Variants in HMGXB4 observed in about 807,000 individuals in gnomAD.
The protein encoded by HMGXB4 is HMG domain-containing protein 4.
In HMGXB4, 27 loss-of-function variants were observed where a neutral mutation model predicts 63.9. The observed-to-expected ratio is 0.42, with a 90% CI of 0.31 to 0.58. The LOEUF (loss-of-function observed/expected upper bound fraction) is 0.58, where lower values mean the gene tolerates loss of function less well. HMGXB4 is among the 20% of genes least tolerant of loss of function. The pLI is 0.13. For synonymous variants in HMGXB4, 264 were observed against 265.3 expected (o/e 0.99, Z 0.05); for missense variants, 624 against 700.7 (o/e 0.89, Z 1.24).
chr22:35,265,057 C>T lies in HMGXB4; in HGVS notation c.669C>T (p.Ser223=). 6.2e-7 allele frequency: 1 copy of T among 1,613,898 alleles called. No homozygotes were observed. Among genetic ancestry groups the T allele is most frequent in the Middle Eastern group, 1.6e-4 (1 of 6,062 alleles). The change falls in exon 5 of 11, where the codon TCC becomes TCT. Residue 223 remains serine, a synonymous_variant. Coordinates refer to ENST00000216106, the MANE Select transcript of HMGXB4 (RefSeq NM_001003681.3). The part of the protein sequence containing the change: ...YPSQQATVKK[S]SKKSARDEQG... ...CCCAACAAGCGACTGTGAAAAAATCCTCAAAGAAATCAGCTCGGGATGAGC... is the reference window on the plus strand; with the variant it reads ...CCCAACAAGCGACTGTGAAAAAATCTTCAAAGAAATCAGCTCGGGATGAGC...
At chr22:35,267,146 G>GTATA (rs1923305211) in intron 5 of HMGXB4, among the ~76,000 whole-genome samples, 2 of 4,334 alleles carry the variant, frequency 4.6e-4, no homozygotes, top group African/African-American at 8.6e-4. Flanking sequence ...ATGTGTGTGT[G>GTATA]TATATATAAT....
chr22:35,292,162 T>C (rs1466546532), intron 9 of HMGXB4, among the ~76,000 whole-genome samples: 3 of 152,240 alleles, frequency 2.0e-5, no homozygotes, highest in African/African-American at 7.2e-5. Flanking sequence ...TAATTACTGA[T>C]ATTTTTTGAG....
At chr22:35,267,799 T>C (rs961380110) in intron 5 of HMGXB4, among the ~76,000 whole-genome samples, 1 of 152,240 alleles carries the variant, frequency 6.6e-6, no homozygotes, top group Non-Finnish European at 1.5e-5. Flanking sequence ...TATTTTCTTT[T>C]TGCTTTATCA....
chr22:35,254,583 C>T (rs1411512955), upstream of HMGXB4, among the ~76,000 whole-genome samples: 1 of 152,166 alleles, frequency 6.6e-6, no homozygotes, highest in Non-Finnish European at 1.5e-5. Context: ...TTATTTTCTC[C>T]ACCTCTGATT....
chr22:35,264,754 A>G lies in HMGXB4; in HGVS notation c.366A>G (p.Ala122=). The G allele has an allele frequency of 1.2e-6, 2 of 1,614,222 alleles. No homozygotes were observed. Among genetic ancestry groups the G allele is most frequent in the Non-Finnish European group, 1.7e-6 (2 of 1,180,022 alleles). The change falls in exon 5 of 11, where the codon GCA becomes GCG. Residue 122 remains alanine (A), a synonymous_variant. Coordinates refer to ENST00000216106, the MANE Select transcript of HMGXB4 (RefSeq NM_001003681.3). The part of the protein sequence containing the change: ...LLKAITSPLA[A]GSKPSKKTGE... Reference sequence around the variant, plus strand: ...AAGCTATCACTTCCCCACTGGCAGCAGGCTCCAAGCCCTCCAAAAAGACTG... The same window carrying G: ...AAGCTATCACTTCCCCACTGGCAGCGGGCTCCAAGCCCTCCAAAAAGACTG...
intron 5 of HMGXB4, among the ~76,000 whole-genome samples, chr22:35,275,993 A>C (rs1277086128): frequency 6.6e-6 from 1 of 152,212 alleles, no homozygotes; most frequent in African/African-American, 2.4e-5. Context: ...GAAAATTTAG[A>C]GTGGAATTAC....
At chr22:35,272,786 T>G (rs1807543) in intron 5 of HMGXB4, among the ~76,000 whole-genome samples, 76,899 of 151,918 alleles carry the variant, frequency 0.51, 22,593 homozygotes, top group Non-Finnish European at 0.65. Flanking sequence ...GTACAAAAAT[T>G]AGCCAGGCGT....
chr22:35,259,005 A>G lies in HMGXB4; in HGVS notation c.-69+1448A>G, dbSNP rs192432772. 5.3e-5 allele frequency among the ~76,000 whole-genome samples: 8 copies of G among 152,216 alleles called. No individual in the cohort carries two copies. In the South Asian group the frequency reaches 8.3e-4, roughly 16 times the overall value. On this transcript the variant is annotated intron_variant, in intron 1 of 10. Coordinates refer to ENST00000216106, the MANE Select transcript of HMGXB4 (RefSeq NM_001003681.3). ...AGTCTGAAACCTGTTTTTTAACTGT[A>G]ATTTGAAGTTTCAAAATGACAAAGT...
At chr22:35,293,499 T>C in intron 10 of HMGXB4, 108 bp from the exon 11 acceptor site, 1 of 771,540 alleles carries the variant, frequency 1.3e-6, no homozygotes, top group Non-Finnish European at 2.2e-6. Context: ...CTCACCTGTT[T>C]TTCTAACTCC....
chr22:35,281,693 G>A (rs1362834560), intron 5 of HMGXB4, among the ~76,000 whole-genome samples: 2 of 152,078 alleles, frequency 1.3e-5, no homozygotes, highest in African/African-American at 2.4e-5. Context: ...TGTACAGTTG[G>A]GAAAGATTTG....
At chr22:35,246,421 C>CCCA in the HMGXB4 span, among the ~76,000 whole-genome samples, 3 of 151,850 alleles carry the variant, frequency 2.0e-5, no homozygotes, top group South Asian at 2.1e-4. Flanking sequence ...ACTGCAGGTG[C>CCCA]CCACCATGCC....
At chr22:35,285,540 G>A (rs1003453052) in intron 6 of HMGXB4, among the ~76,000 whole-genome samples, 7 of 152,102 alleles carry the variant, frequency 4.6e-5, no homozygotes, top group East Asian at 1.9e-4. Context: ...GCGAGACTCC[G>A]TCTCAAAAAA....
At chr22:35,258,024 G>C (rs1045895201) in intron 1 of HMGXB4, 4 of 152,366 alleles carry the variant, frequency 2.6e-5, no homozygotes, top group Non-Finnish European at 5.9e-5. Context: ...CCACGGGAGG[G>C]CTGGGGCTGC....
Position 35,285,990 on chromosome 22 carries a change from A to G in HMGXB4, c.1298-7A>G. The G allele has an allele frequency of 6.2e-7, 1 of 1,605,386 alleles. No individual in the cohort carries two copies. Among genetic ancestry groups the G allele is most frequent in the Non-Finnish European group, 8.5e-7 (1 of 1,176,358 alleles). ...ACTGTATTGAGTGTTTTACTCTTTT[A>G]TGCCAGATTTTGGGGAACTTAGTAA... On this transcript the variant is annotated splice_region_variant and splice_polypyrimidine_tract_variant and intron_variant, in intron 6 of 10. Coordinates refer to ENST00000216106, the MANE Select transcript of HMGXB4 (RefSeq NM_001003681.3).
upstream of HMGXB4, among the ~76,000 whole-genome samples, chr22:35,253,382 TACAC>T (rs1373280707): frequency 1.3e-5 from 2 of 152,286 alleles, no homozygotes; most frequent in Non-Finnish European, 2.9e-5. Context: ...AAAACACACA[TACAC>T]ACAGAAGATA....
At chr22:35,253,144 A>AAAAGAAAAAAAAAAAAAAG (rs569919305), upstream of HMGXB4, among the ~76,000 whole-genome samples, 404 of 125,348 alleles carry the variant, frequency 3.2e-3, 5 homozygotes, top group African/African-American at 0.011. Flanking sequence ...AAAAAAAAAA[A>AAAAGAAAAAAAAAAAAAAG]AAAAAAGAAA....
chr22:35,247,618 C>G, the HMGXB4 span, among the ~76,000 whole-genome samples: 1 of 151,996 alleles, frequency 6.6e-6, no homozygotes, highest in Non-Finnish European at 1.5e-5. Context: ...ATAAACTGTT[C>G]TGGAAACTCT....
chr22:35,275,822 G>C (rs562889329), intron 5 of HMGXB4, among the ~76,000 whole-genome samples: 1 of 152,142 alleles, frequency 6.6e-6, no homozygotes, highest in Non-Finnish European at 1.5e-5. Context: ...GTAGTAAAAT[G>C]GTAACATCAT....
intron 2 of HMGXB4, 175 bp from the exon 3 acceptor site, chr22:35,262,903 T>G (rs1043779197): frequency 9.4e-6 from 6 of 637,278 alleles, no homozygotes; most frequent in Non-Finnish European, 8.2e-6. Flanking sequence ...TATTTGCAGC[T>G]AGGTCATCAA....
Sources: allele counts gnomAD v4.1 joint callset (sites outside exome capture counted in the v4.1 genomes callset), GRCh38; gene constraint gnomAD v4.1.1; transcripts MANE v1.5; gene names NCBI Gene and HGNC (gene_info 2026-07-23, HGNC 2026-07-21).